The following FAM136A variants were observed in gnomAD, a reference collection of about 807,000 sequenced individuals.
The protein encoded by FAM136A is TIM double twin CX3C motif protein.
A neutral mutation model predicts 21.6 loss-of-function variants in FAM136A; 25 were observed. The ratio of observed to expected loss-of-function variants is 1.16; its 90% CI spans 0.84 to 1.62. FAM136A has a LOEUF of 1.62. Among genes scored for constraint, FAM136A ranks in the 40% most tolerant of loss-of-function variants. FAM136A has a pLI of 0.00. For missense variants in FAM136A, 338 were observed against 332.0 expected (o/e 1.02, Z -0.14); for synonymous variants, 119 against 129.4 (o/e 0.92, Z 0.55).
intron 1 of FAM136A, 194 bp downstream of exon 1, chr2:70,301,410 C>T: frequency 6.5e-7 from 1 of 1,532,458 alleles, no homozygotes; most frequent in Non-Finnish European, 8.7e-7. Context: ...ACGCATACTC[C>T]GTGAGAGAAG....
chr2:70,298,959 A>C (rs1049217990), intron 2 of FAM136A, among the ~76,000 whole-genome samples: 1 of 152,220 alleles, frequency 6.6e-6, no homozygotes, highest in African/African-American at 2.4e-5. Context: ...GTTCTGGCCC[A>C]GTGAAGAGTG....
At chr2:70,301,183 G>A in intron 1 of FAM136A, 1 of 776,304 alleles carries the variant, frequency 1.3e-6, no homozygotes, top group South Asian at 1.9e-5. Context: ...AGTGTTTCAT[G>A]GTGTCCTTGC....
At chr2:70,301,469 T>G in intron 1 of FAM136A, 135 bp downstream of exon 1, 3 of 1,535,408 alleles carry the variant, frequency 2.0e-6, no homozygotes, top group Non-Finnish European at 2.6e-6. Flanking sequence ...AAGAACAGTG[T>G]AGAAACCCGC....
At chr2:70,297,621 G>GTTTTTTTTTTTTTT (rs55803921) in intron 2 of FAM136A, 144 bp from the exon 3 acceptor site, 2 of 234,598 alleles carry the variant, frequency 8.5e-6, no homozygotes, top group African/African-American at 3.5e-5. Context: ...GATTGGCCAA[G>GTTTTTTTTTTTTTT]TTTTTTTTTT....
At chr2:70,299,198 T>C (rs1395488790) in intron 2 of FAM136A, among the ~76,000 whole-genome samples, 1 of 152,222 alleles carries the variant, frequency 6.6e-6, no homozygotes, top group Admixed American at 6.5e-5. Flanking sequence ...TAAGTTTCCA[T>C]GTGGATGGAA....
Position 70,301,957 on chromosome 2 carries a change from T to A in FAM136A, c.55A>T (p.Ser19Cys), listed in dbSNP as rs1159155945. 6.2e-7 allele frequency: 1 copy of A among 1,608,934 alleles called. No individual in the cohort carries two copies. The highest frequency in any genetic ancestry group is 1.3e-5 in the African/African-American group (1 of 74,762). Residue 19 changes from serine (S) to cysteine (C), a missense_variant, in exon 1 of 3, where the codon AGT becomes TGT. By Grantham distance (112) the Ser-to-Cys change is moderately radical (BLOSUM62 -1). Transcript: ENST00000430566. ...VQEAVESMVK[S>C]LERENIRKMQ... ...TTCCGGATGTTCTCTCTTTCCAGAC[T>A]CTTCACCATGGACTCCACCGCCTCC... is the stretch of plus-strand genomic sequence containing the variant.
intron 1 of FAM136A, 179 bp downstream of exon 1, chr2:70,301,425 A>C: frequency 6.5e-7 from 1 of 1,534,852 alleles, no homozygotes; most frequent in Non-Finnish European, 8.7e-7. Context: ...GAGAAGCAGG[A>C]CCGAAACACA....
In FAM136A at chr2:70,297,360, C is replaced by A; in HGVS notation, c.667G>T (p.Asp223Tyr). The A allele has an allele frequency of 1.2e-6, 2 of 1,614,048 alleles. No homozygotes were observed. Among genetic ancestry groups the A allele is most frequent in the Non-Finnish European group, 1.7e-6 (2 of 1,179,912 alleles). The change falls in exon 3 of 3, where the codon GAT (aspartate) becomes TAT (tyrosine). Residue 223 changes from aspartate (D) to tyrosine (Y), a missense_variant. By Grantham distance (160) the Asp-to-Tyr change is radical (BLOSUM62 -3). Coordinates refer to ENST00000430566, the MANE Select transcript of FAM136A (RefSeq NM_001329752.2). ...QLDSCVTKCV[D>Y]DHMHLIPTMT... ...GTTGGGATGAGGTGCATGTGGTCAT[C>A]CACACACTTGGTCACACAACTGTCC...
intron 1 of FAM136A, 23 bp from the exon 2 acceptor site, chr2:70,301,003 T>G: frequency 6.3e-7 from 1 of 1,597,410 alleles, no homozygotes; most frequent in Non-Finnish European, 8.6e-7. Flanking sequence ...GGCAGAGAGG[T>G]TAGGTAGGAA....
chr2:70,301,763 G>A lies in FAM136A; in HGVS notation c.249C>T (p.Ser83=). The A allele has an allele frequency of 6.5e-7, 1 of 1,543,790 alleles. No homozygotes were observed. Among genetic ancestry groups the A allele is most frequent in the Non-Finnish European group, 8.7e-7 (1 of 1,146,376 alleles). The change falls in exon 1 of 3, where the codon AGC becomes AGT. Residue 83 remains serine, a synonymous_variant. Transcript: ENST00000430566. ...CACGGATTTCATCCGATCCGCCAAA[G>A]CTTCCGAAGTCCTGTCCGAGGCCGC... is the stretch of plus-strand genomic sequence containing the variant. ...RRGGLGQDFG[S]FGGSDEIRVP...
rs368899781 is a variant in FAM136A, at chr2:70,297,464, C to G, written c.563G>C (p.Arg188Pro). Residue 188 changes from arginine (R) to proline (P), a missense_variant, in exon 3 of 3, where the codon CGG becomes CCG. Arg to Pro is a moderately radical substitution (Grantham distance 103). Transcript: ENST00000430566. ...ELEKFQDRLA[R>P]CTMHCNDKAK... ...TTTGTCGTTGCAATGCATGGTGCAC[C>G]GGGCCAGGCGGTCCTGTGGCAAGAA... 8.1e-6 allele frequency: 13 copies of G among 1,613,774 alleles called. No homozygotes were observed. Among genetic ancestry groups the G allele is most frequent in the Non-Finnish European group, 1.1e-5 (13 of 1,179,826 alleles).
intron 1 of FAM136A, 122 bp downstream of exon 1, chr2:70,301,482 T>C (rs746697815): frequency 1.5e-4 from 231 of 1,535,508 alleles, no homozygotes; most frequent in Non-Finnish European, 1.9e-4. Flanking sequence ...AAACCCGCGC[T>C]GTGTGAAGCG....
At position 70,301,698 on chromosome 2, in the gene FAM136A, C is replaced by T. The variant is rs1022397432; in HGVS notation, c.314G>A (p.Ser105Asn). 4 of 1,535,310 alleles carry T rather than the reference C, an allele frequency of 2.6e-6. No individual in the cohort carries two copies. Among genetic ancestry groups the T allele is most frequent in the Non-Finnish European group, 1.7e-6 (2 of 1,146,222 alleles). ...CCGCCGAGGACGCTCCTGCCCCGGG[C>T]TGGAAGGGGCGGAAAACAGCCTCGC... is the stretch of plus-strand genomic sequence containing the variant. Reference protein sequence around the residue: ...PCARLFSAPSSPGQERPRRQV... With the variant: ...PCARLFSAPSNPGQERPRRQV... Residue 105 changes from serine to asparagine, a missense_variant, in exon 1 of 3, where the codon AGC (serine) becomes AAC (asparagine). Coordinates refer to ENST00000430566, the MANE Select transcript of FAM136A (RefSeq NM_001329752.2).
chr2:70,300,045 G>A (rs1697354229), intron 2 of FAM136A, among the ~76,000 whole-genome samples: 1 of 151,750 alleles, frequency 6.6e-6, no homozygotes, highest in South Asian at 2.1e-4. Flanking sequence ...GGGATTACAG[G>A]CACCTGCCAC....
chr2:70,301,246 C>T, intron 1 of FAM136A: 3 of 951,266 alleles, frequency 3.2e-6, no homozygotes, highest in Non-Finnish European at 4.5e-6. Context: ...AGAGGTTCGC[C>T]CGAGTGGGTG....
At chr2:70,300,811 T>C (rs1697374133) in intron 2 of FAM136A, 29 bp downstream of exon 2, 1 of 1,577,438 alleles carries the variant, frequency 6.3e-7, no homozygotes, top group African/African-American at 1.3e-5. Flanking sequence ...TATCAAGGAC[T>C]ACAGTGCTCT....
At position 70,301,243 on chromosome 2, in the gene FAM136A, C is replaced by T. The variant is rs1214105735; in HGVS notation, c.409-263G>A. On this transcript the variant is annotated intron_variant, in intron 1 of 2. Coordinates refer to ENST00000430566, the MANE Select transcript of FAM136A (RefSeq NM_001329752.2). The stretch of plus-strand genomic sequence containing the variant: ...ACCGATGGTTGGGTGAACAGAGGTT[C>T]GCCCGAGTGGGTGAGGGTAGGGTGG... The T allele has an allele frequency of 1.1e-5, 10 of 920,338 alleles. No homozygotes were observed. The East Asian group carries it at 1.9e-4, about 18-fold the overall frequency. The allele number at this position is 920,338 out of a possible 1,614,324, so 57.0% of individuals were successfully genotyped here.
In FAM136A at chr2:70,301,736, C is replaced by A. The variant is rs1197681047; in HGVS notation, c.276G>T (p.Val92=). The change falls in exon 1 of 3, where the codon GTG becomes GTT. Residue 92 remains valine, a synonymous_variant. Coordinates refer to ENST00000430566, the MANE Select transcript of FAM136A (RefSeq NM_001329752.2). ...GSFGGSDEIR[V]PLPCARLFSA... ...AAAACAGCCTCGCGCACGGCAAGGG[C>A]ACACGGATTTCATCCGATCCGCCAA... 3 of 1,538,652 alleles carry A rather than the reference C, an allele frequency of 1.9e-6. No homozygotes were observed. Among genetic ancestry groups the A allele is most frequent in the South Asian group, 1.2e-5 (1 of 84,022 alleles).
chr2:70,297,488 A>G lies in FAM136A; in HGVS notation c.550-11T>C. 1 of 1,189,976 alleles carries G rather than the reference A, an allele frequency of 8.4e-7. No individual in the cohort carries two copies. Among genetic ancestry groups the G allele is most frequent in the South Asian group, 1.4e-5 (1 of 73,408 alleles). The allele number at this position is 1,189,976 out of a possible 1,614,324, so 73.7% of individuals were successfully genotyped here. Reference sequence around the variant, plus strand: ...CCGGGCCAGGCGGTCCTGTGGCAAGAAGGAAGAACGTAGAAAAAGCTGAGA... The same window carrying G: ...CCGGGCCAGGCGGTCCTGTGGCAAGGAGGAAGAACGTAGAAAAAGCTGAGA... On this transcript the variant is annotated splice_polypyrimidine_tract_variant and intron_variant, in intron 2 of 2. Transcript: ENST00000430566.
Sources: allele counts gnomAD v4.1 joint callset (sites outside exome capture counted in the v4.1 genomes callset), GRCh38; gene constraint gnomAD v4.1.1; transcripts MANE v1.5; gene names NCBI Gene and HGNC (gene_info 2026-07-23, HGNC 2026-07-21).